ANK3: variants seen among roughly 807,000 people sequenced by gnomAD.
ANK3 encodes ankyrin-3.
A neutral mutation model predicts 370.9 loss-of-function variants in ANK3; 57 were observed. That is an observed-to-expected ratio of 0.15 (90% confidence interval 0.12 to 0.19). The LOEUF (loss-of-function observed/expected upper bound fraction) is 0.19. Among genes scored for constraint, ANK3 ranks in the 10% least tolerant of loss-of-function variants. ANK3 has a pLI of 1.00. For missense variants in ANK3, 4,439 were observed against 5,302.1 expected, an observed-to-expected ratio of 0.84 and a Z score of 5.06; for synonymous variants, 1,929 against 1,946.3, an observed-to-expected ratio of 0.99 and a Z score of 0.23.
chr10:60,180,085 T>G (rs180875425), intron 18 of ANK3, among the ~76,000 whole-genome samples: 84 of 152,276 alleles, frequency 5.5e-4, no homozygotes, highest in African/African-American at 2.0e-3. Context: ...AAGAATTATT[T>G]CCCGATGAAA....
At chr10:60,510,325 T>G (rs922222733) in intron 2 of ANK3, among the ~76,000 whole-genome samples, 1 of 152,076 alleles carries the variant, frequency 6.6e-6, no homozygotes, top group Non-Finnish European at 1.5e-5. Context: ...TTCTGGCACA[T>G]GCGTGGTTTT....
chr10:60,453,237 T>G (rs888448810), intron 2 of ANK3, among the ~76,000 whole-genome samples: 3 of 152,096 alleles, frequency 2.0e-5, no homozygotes, highest in African/African-American at 7.2e-5. Context: ...ATCTACAAAG[T>G]AGCTTCGAGG....
intron 7 of ANK3, among the ~76,000 whole-genome samples, chr10:60,252,657 T>C (rs920231651): frequency 2.0e-5 from 3 of 152,232 alleles, no homozygotes; most frequent in Admixed American, 6.5e-5. Flanking sequence ...GGCTCTCTTA[T>C]TGTCTCAGTG....
intron 2 of ANK3, among the ~76,000 whole-genome samples, chr10:60,553,498 A>C (rs1033954757): frequency 5.3e-5 from 8 of 152,136 alleles, no homozygotes; most frequent in African/African-American, 1.9e-4. Context: ...TAATTTGGAA[A>C]TCTGAAATTC....
intron 4 of ANK3, among the ~76,000 whole-genome samples, chr10:60,271,444 C>A (rs1316046034): frequency 6.6e-6 from 1 of 152,050 alleles, no homozygotes; most frequent in Non-Finnish European, 1.5e-5. Context: ...TGAGCTCAAG[C>A]CATCTGCCTG....
rs758898774 is a variant in ANK3 at position 60,068,753 on chromosome 10, C to T, written c.12128G>A (p.Arg4043Gln). Reference protein sequence around the residue: ...SRNTSLSETSRGGQPSVTTKS... With the variant: ...SRNTSLSETSQGGQPSVTTKS... ...CGTTGTAACCGAAGGCTGGCCACCC[C>T]GGGAAGTCTCGGACAACGACGTGTT... Residue 4043 changes from arginine (R) to glutamine (Q), a missense_variant, in exon 37 of 44, where the codon CGG becomes CAG. Coordinates refer to ENST00000280772, the MANE Select transcript of ANK3 (RefSeq NM_020987.5). 8.1e-6 allele frequency: 13 copies of T among 1,614,152 alleles called. No individual in the cohort carries two copies. Among genetic ancestry groups the T allele is most frequent in the East Asian group, 4.5e-5 (2 of 44,886 alleles).
chr10:60,688,232 A>AT (rs2079297277), intron 1 of ANK3, among the ~76,000 whole-genome samples: 1 of 151,864 alleles, frequency 6.6e-6, no homozygotes, highest in South Asian at 2.1e-4. Flanking sequence ...CACCTAGCTA[A>AT]TTTTTTGTAT....
chr10:60,470,596 A>T (rs1323798108), intron 2 of ANK3, among the ~76,000 whole-genome samples: 1 of 152,104 alleles, frequency 6.6e-6, no homozygotes, highest in African/African-American at 2.4e-5. Flanking sequence ...CTGTTGGAGG[A>T]CAATCACCCC....
At chr10:60,050,180 T>TTGA (rs2077668074) in intron 42 of ANK3, among the ~76,000 whole-genome samples, 2 of 152,324 alleles carry the variant, frequency 1.3e-5, no homozygotes, top group South Asian at 4.1e-4. Flanking sequence ...GAGGATTTTA[T>TTGA]TGATAGCAGG....
At chr10:60,652,360 C>T (rs890276035) in intron 1 of ANK3, among the ~76,000 whole-genome samples, 2 of 152,250 alleles carry the variant, frequency 1.3e-5, no homozygotes, top group East Asian at 1.9e-4. Context: ...CATGATTGCA[C>T]CACTGCACTC....
chr10:60,640,525 C>A (rs1343458218), intron 1 of ANK3, among the ~76,000 whole-genome samples: 1 of 110,842 alleles, frequency 9.0e-6, no homozygotes, highest in African/African-American at 3.2e-5. Flanking sequence ...CAAACAGAGC[C>A]AAAGACAAAA....
rs545174076 is a variant in ANK3 at position 60,551,210 on chromosome 10, G to A, written c.96+63976C>T. Among the ~76,000 whole-genome samples, 79 of 151,962 alleles carry A rather than the reference G, an allele frequency of 5.2e-4. 1 individual carries two copies. The highest frequency in any genetic ancestry group is 1.7e-3 in the African/African-American group (70 of 41,462). On this transcript the variant is annotated intron_variant, in intron 2 of 43. Coordinates refer to the ANK3 transcript ENST00000373827. ...TATCACTGTAATATTTTAAAAGTGC[G>A]GATTCAAAATGAAAAGGCATGGTCA...
intron 2 of ANK3, among the ~76,000 whole-genome samples, chr10:60,405,355 T>C (rs1210485920): frequency 2.0e-5 from 3 of 152,230 alleles, no homozygotes; most frequent in Non-Finnish European, 4.4e-5. Flanking sequence ...CTACTGTTAC[T>C]GAGCATATTA....
At chr10:60,553,267 T>C (rs192292056) in intron 2 of ANK3, among the ~76,000 whole-genome samples, 2 of 150,618 alleles carry the variant, frequency 1.3e-5, no homozygotes, top group Non-Finnish European at 3.0e-5. Context: ...TGGGTAACCT[T>C]AGACACGTTT....
intron 1 of ANK3, among the ~76,000 whole-genome samples, chr10:60,347,495 T>A (rs534892732): frequency 6.6e-6 from 1 of 152,008 alleles, no homozygotes; most frequent in Admixed American, 6.6e-5. Context: ...TGTGTGATGT[T>A]GGACAAGTCA....
Position 60,074,255 on chromosome 10 carries a change from G to A in ANK3, c.6626C>T (p.Thr2209Ile), listed in dbSNP as rs1264374450. 3.1e-6 allele frequency: 5 copies of A among 1,614,092 alleles called. No homozygotes were observed. The highest frequency in any genetic ancestry group is 3.4e-6 in the Non-Finnish European group (4 of 1,179,998). Reference sequence around the variant, plus strand: ...TTTAACCTTTTCTTTAATACTAGAGGTGGTGGGCTTTGGTTCCAATTCCAT... The same window carrying A: ...TTTAACCTTTTCTTTAATACTAGAGATGGTGGGCTTTGGTTCCAATTCCAT... Reference protein sequence around the residue: ...TFMELEPKPTTSSIKEKVKAF... With the variant: ...TFMELEPKPTISSIKEKVKAF... The change falls in exon 37 of 44, where the codon ACC becomes ATC. Residue 2209 changes from threonine to isoleucine, a missense_variant. Around this residue, in one of 13 missense-constraint regions of ANK3, gnomAD observed 1,601 missense variants for 1,731.7 expected, o/e 0.92. Transcript: ENST00000280772.
At chr10:60,424,486 G>A (rs1366040800) in intron 2 of ANK3, among the ~76,000 whole-genome samples, 1 of 151,984 alleles carries the variant, frequency 6.6e-6, no homozygotes, top group Non-Finnish European at 1.5e-5. Flanking sequence ...AAGGGCATAC[G>A]AAGAAAATTC....
intron 2 of ANK3, among the ~76,000 whole-genome samples, chr10:60,479,705 T>C (rs1435538107): frequency 1.3e-5 from 2 of 151,984 alleles, no homozygotes; most frequent in African/African-American, 2.4e-5. Flanking sequence ...AGATACCTCT[T>C]TTTATAGGCT....
chr10:60,191,142 C>T (rs2096470717), intron 16 of ANK3, among the ~76,000 whole-genome samples: 1 of 151,948 alleles, frequency 6.6e-6, no homozygotes, highest in African/African-American at 2.4e-5. Flanking sequence ...CTAGAAGAAA[C>T]CATAAGAAAA....
Sources: gnomAD v4.1 joint callset for allele counts (sites outside exome capture counted in the v4.1 genomes callset) on GRCh38, gnomAD v4.1.1 for gene constraint, gnomAD v4.1.1 regional missense constraint, MANE v1.5 for transcripts, NCBI Gene and HGNC (gene_info 2026-07-23, HGNC 2026-07-21) for gene names.